The following CEP83 variants were observed in gnomAD, a reference collection of about 807,000 sequenced individuals.
CEP83 encodes the protein centrosomal protein 83.
A neutral mutation model predicts 101.9 loss-of-function variants in CEP83; 70 were observed. That is an observed-to-expected ratio of 0.69 (90% CI 0.57 to 0.84). The LOEUF (loss-of-function observed/expected upper bound fraction) is 0.84. Among genes scored for constraint, CEP83 ranks in the 40% least tolerant of loss-of-function variants. The pLI is 0.00. For missense variants in CEP83, 715 were observed against 787.2 expected (o/e 0.91, Z 1.10); for synonymous variants, 264 against 267.9 (o/e 0.99, Z 0.14).
At chr12:94,456,113 G>C (rs535203622) in intron 1 of CEP83, among the ~76,000 whole-genome samples, 29 of 151,064 alleles carry the variant, frequency 1.9e-4, no homozygotes, top group African/African-American at 5.8e-4. Context: ...CCATGACCTA[G>C]AGAGGGCAGT....
chr12:94,326,610 T>A (rs2058983956), intron 14 of CEP83, among the ~76,000 whole-genome samples: 1 of 152,222 alleles, frequency 6.6e-6, no homozygotes, highest in Non-Finnish European at 1.5e-5. Context: ...GGTCTACAAA[T>A]GTAATCAAGT....
chr12:94,389,369 T>C (rs529647313), intron 6 of CEP83, among the ~76,000 whole-genome samples: 1 of 152,232 alleles, frequency 6.6e-6, no homozygotes, highest in Non-Finnish European at 1.5e-5. Flanking sequence ...CTAATACCAT[T>C]AATTAAGTAT....
chr12:94,381,167 A>T (rs945150187), intron 6 of CEP83, among the ~76,000 whole-genome samples: 3 of 152,168 alleles, frequency 2.0e-5, no homozygotes, highest in Admixed American at 2.0e-4. Flanking sequence ...CACTGCCATA[A>T]CACCACTTGT....
the CEP83 span, among the ~76,000 whole-genome samples, chr12:94,271,809 A>T: frequency 6.6e-6 from 1 of 152,198 alleles, no homozygotes; most frequent in East Asian, 1.9e-4. Context: ...ACTAAGCAGA[A>T]AGTGTCCCGT....
intron 11 of CEP83, among the ~76,000 whole-genome samples, chr12:94,357,276 C>G (rs1170073494): frequency 6.6e-6 from 1 of 152,024 alleles, no homozygotes; most frequent in African/African-American, 2.4e-5. Flanking sequence ...CAGGCAATGG[C>G]AGGACTGAGA....
chr12:94,282,374 C>T, the CEP83 span: 3 of 1,612,674 alleles, frequency 1.9e-6, no homozygotes, highest in Admixed American at 5.0e-5. Context: ...ATGGAATCAC[C>T]AAGCTAAACA....
At chr12:94,436,897 A>G (rs1248014731) in intron 1 of CEP83, among the ~76,000 whole-genome samples, 2 of 152,020 alleles carry the variant, frequency 1.3e-5, no homozygotes, top group African/African-American at 4.8e-5. Context: ...TAGAAAATGA[A>G]TAAAGCCTCC....
At chr12:94,324,510 G>A (rs978523429) in intron 14 of CEP83, among the ~76,000 whole-genome samples, 6 of 151,940 alleles carry the variant, frequency 3.9e-5, no homozygotes, top group African/African-American at 1.5e-4. Context: ...GTTCATTTGT[G>A]GCTCTAATCT....
Position 94,367,933 on chromosome 12 carries a change from C to T in CEP83, c.1204G>A (p.Glu402Lys), listed in dbSNP as rs775799320. ...TTCTCCAAATCTGCTAATCTGTTCT[C>T]GAGTTCTAACCTAAAACAAGAGATC... ...VVLQDEKLEL[E>K]NRLADLEKMK... The change falls in exon 11 of 17, where the codon GAG becomes AAG. Residue 402 changes from glutamate to lysine, a missense_variant. By Grantham distance (56) the Glu-to-Lys change is moderately conservative. Coordinates refer to ENST00000397809, the MANE Select transcript of CEP83 (RefSeq NM_016122.3). 1.2e-5 allele frequency: 20 copies of T among 1,612,898 alleles called. No homozygotes were observed. Among genetic ancestry groups the T allele is most frequent in the African/African-American group, 2.7e-5 (2 of 74,870 alleles).
At chr12:94,303,669 T>C (rs180749761), downstream of CEP83, 84 of 1,209,560 alleles carry the variant, frequency 6.9e-5, no homozygotes, top group African/African-American at 1.1e-3. Context: ...TTCAGCTACA[T>C]TGGAATATTA....
At chr12:94,328,122 A>G (rs927559869) in intron 14 of CEP83, 9 of 167,520 alleles carry the variant, frequency 5.4e-5, no homozygotes, top group Non-Finnish European at 1.1e-4. Flanking sequence ...ACCAAGAATT[A>G]TTTCAGAGAC....
chr12:94,326,455 G>A (rs1321108875), intron 14 of CEP83, among the ~76,000 whole-genome samples: 1 of 152,156 alleles, frequency 6.6e-6, no homozygotes, highest in Non-Finnish European at 1.5e-5. Context: ...TTGTGGGACT[G>A]AGCCGTTTAA....
At chr12:94,374,184 G>GA (rs1387873874) in intron 8 of CEP83, among the ~76,000 whole-genome samples, 1 of 151,978 alleles carries the variant, frequency 6.6e-6, no homozygotes. Flanking sequence ...TATATATATG[G>GA]AAAAAAAGAA....
chr12:94,440,896 T>C (rs1023398399), intron 1 of CEP83, among the ~76,000 whole-genome samples: 1 of 152,212 alleles, frequency 6.6e-6, no homozygotes, highest in South Asian at 2.1e-4. Context: ...AGCCAACTGA[T>C]ATTTGACAAA....
Position 94,359,169 on chromosome 12 carries a change from C to A in CEP83, c.1343+8625G>T, listed in dbSNP as rs149679365. Among the ~76,000 whole-genome samples the A allele has an allele frequency of 8.0e-3, 1,216 of 152,256 alleles. 14 individuals are homozygous for A. Among genetic ancestry groups the A allele is most frequent in the African/African-American group, 0.027 (1,136 of 41,544 alleles). On this transcript the variant is annotated intron_variant, in intron 11 of 16. Coordinates refer to ENST00000397809, the MANE Select transcript of CEP83 (RefSeq NM_016122.3). Reference sequence around the variant, plus strand: ...GCTGTTAATAAATATGTGGGTAAATCTCTGTTCAGGGCTCTCAGCTCTGAA... The same window carrying A: ...GCTGTTAATAAATATGTGGGTAAATATCTGTTCAGGGCTCTCAGCTCTGAA...
rs781755899 is a variant in CEP83, at chr12:94,340,140, C to A, written c.1344-4476G>T. Among the ~76,000 whole-genome samples the A allele has an allele frequency of 2.0e-5, 3 of 152,108 alleles. 1 individual carries two copies. The highest frequency in any genetic ancestry group is 4.1e-4 in the South Asian group (2 of 4,824). On this transcript the variant is annotated intron_variant, in intron 11 of 16. Transcript: ENST00000397809. ...GTTCATTAAAAGCTCAAGAAAAAAACAGAAAGCCCCAAATGGGAAATAAGA... is the reference window on the plus strand; with the variant it reads ...GTTCATTAAAAGCTCAAGAAAAAAAAAGAAAGCCCCAAATGGGAAATAAGA...
At chr12:94,412,995 G>A (rs932704796) in intron 2 of CEP83, among the ~76,000 whole-genome samples, 11 of 152,102 alleles carry the variant, frequency 7.2e-5, no homozygotes, top group Non-Finnish European at 1.5e-4. Flanking sequence ...TGGGACTACA[G>A]GAGCCCGCCA....
chr12:94,423,769 A>ACC, intron 2 of CEP83: 1 of 1,613,326 alleles, frequency 6.2e-7, no homozygotes, highest in Admixed American at 1.7e-5. Flanking sequence ...GAAAGAATAG[A>ACC]CCCCATGCTC....
chr12:94,288,506 A>G, the CEP83 span, among the ~76,000 whole-genome samples: 1 of 152,186 alleles, frequency 6.6e-6, no homozygotes, highest in South Asian at 2.1e-4. Flanking sequence ...TCAAGTAAAC[A>G]AGAGAGAAGC....
Sources: gnomAD v4.1 joint callset for allele counts (sites outside exome capture counted in the v4.1 genomes callset) on GRCh38, gnomAD v4.1.1 for gene constraint, MANE v1.5 for transcripts, NCBI Gene and HGNC (gene_info 2026-07-23, HGNC 2026-07-21) for gene names.